The following SAXO1 variants were observed in gnomAD, a reference collection of about 807,000 sequenced individuals.
SAXO1 encodes 4930500O09Rik.
SAXO1 carries 21 observed loss-of-function variants against 17.5 expected under a neutral mutation model. That is an observed-to-expected ratio of 1.20 (90% CI 0.85 to 1.72). The LOEUF (loss-of-function observed/expected upper bound fraction) is 1.72. Ranked by LOEUF, SAXO1 falls within the 40% of genes most tolerant of loss-of-function variation. SAXO1 has a pLI of 0.00. For missense variants in SAXO1, 843 were observed against 596.0 expected (o/e 1.41, Z -4.32); for synonymous variants, 274 against 216.5 (o/e 1.27, Z -2.33).
At chr9:18,975,813 C>T (rs149527386) in intron 1 of SAXO1, among the ~76,000 whole-genome samples, 2 of 152,210 alleles carry the variant, frequency 1.3e-5, no homozygotes, top group East Asian at 3.9e-4. Flanking sequence ...AACCCAAGGC[C>T]CAGCAGAAGC....
intron 3 of SAXO1, among the ~76,000 whole-genome samples, chr9:18,940,601 G>A (rs1831510806): frequency 6.6e-6 from 1 of 152,194 alleles, no homozygotes; most frequent in Non-Finnish European, 1.5e-5. Context: ...TCTATTCACA[G>A]CATTTAGAGG....
chr9:18,972,073 T>TG (rs1312618815), intron 1 of SAXO1, among the ~76,000 whole-genome samples: 1 of 152,212 alleles, frequency 6.6e-6, no homozygotes, highest in Non-Finnish European at 1.5e-5. Context: ...TTAAACCCCT[T>TG]GGGCTTCTGG....
chr9:19,014,114 G>C (rs2130996970), intron 1 of SAXO1, among the ~76,000 whole-genome samples: 1 of 152,210 alleles, frequency 6.6e-6, no homozygotes, highest in Non-Finnish European at 1.5e-5. Context: ...GTAGGGGCTT[G>C]ATTAAGGGTA....
At chr9:19,026,843 A>G (rs1835494589) in intron 1 of SAXO1, 4 of 604,162 alleles carry the variant, frequency 6.6e-6, no homozygotes, top group Admixed American at 2.0e-5. Flanking sequence ...AGCCTGGCCA[A>G]CATGGTGAAA....
At chr9:18,991,174 C>T (rs944967578) in intron 1 of SAXO1, among the ~76,000 whole-genome samples, 2 of 152,162 alleles carry the variant, frequency 1.3e-5, no homozygotes, top group Non-Finnish European at 2.9e-5. Flanking sequence ...ATGAGAATCA[C>T]TTGAACCTGG....
rs2131851171 is a variant in SAXO1, at chr9:18,995,099, G to T, written c.38+37772C>A. Among the ~76,000 whole-genome samples the T allele has an allele frequency of 1.3e-5, 2 of 152,188 alleles. 1 individual carries two copies. The highest frequency in any genetic ancestry group is 4.2e-4 in the South Asian group (2 of 4,810). On this transcript the variant is annotated intron_variant, in intron 1 of 3. Transcript: ENST00000380534. ...TACTTATGCTTATTTAAGTAAATAA[G>T]CACCAAAAATAAATTAACTAATAAA...
chr9:18,991,912 G>C (rs1327488800), intron 1 of SAXO1, among the ~76,000 whole-genome samples: 3 of 152,206 alleles, frequency 2.0e-5, no homozygotes, highest in South Asian at 2.1e-4. Flanking sequence ...GCTTGAAGAG[G>C]CGTCTGTAAA....
intron 3 of SAXO1, among the ~76,000 whole-genome samples, chr9:18,939,631 A>G (rs1298057169): frequency 1.3e-5 from 2 of 152,194 alleles, no homozygotes; most frequent in East Asian, 3.9e-4. Flanking sequence ...GCAGAAAAGA[A>G]ATGTAGGAAG....
rs144484870 is a variant in SAXO1, at chr9:18,941,667, C to T, written c.391G>A (p.Asp131Asn). 2,171 of 1,614,070 alleles carry T rather than the reference C, an allele frequency of 1.3e-3. No individual in the cohort carries two copies. Among genetic ancestry groups the T allele is most frequent in the Non-Finnish European group, 1.7e-3 (2,024 of 1,180,042 alleles). ...TAAGTAGGCAAACACTCCATCTTGT[C>T]GCTACATGGATATTTACTGTCCCGA... is the stretch of plus-strand genomic sequence containing the variant. ...KPRDSKYPCS[D>N]KMECLPTYKA... is the part of the protein sequence containing the mutation. The change falls in exon 3 of 4, where the codon GAC becomes AAC. Residue 131 changes from aspartate to asparagine, a missense_variant. By Grantham distance (23) the Asp-to-Asn change is conservative. Coordinates refer to ENST00000380534, the MANE Select transcript of SAXO1 (RefSeq NM_153707.4).
intron 1 of SAXO1, among the ~76,000 whole-genome samples, chr9:19,011,060 T>C (rs1239280775): frequency 1.3e-5 from 2 of 152,240 alleles, no homozygotes. Context: ...TATCCTGCAT[T>C]GCTTTCTAAT....
chr9:19,001,642 G>C (rs990829872), intron 1 of SAXO1, among the ~76,000 whole-genome samples: 3 of 150,070 alleles, frequency 2.0e-5, no homozygotes, highest in Non-Finnish European at 4.4e-5. Flanking sequence ...CTCTAGCCTG[G>C]GCAACAGAGC....
At chr9:18,974,286 A>G (rs1044987455) in intron 1 of SAXO1, among the ~76,000 whole-genome samples, 1 of 152,262 alleles carries the variant, frequency 6.6e-6, no homozygotes, top group African/African-American at 2.4e-5. Flanking sequence ...AAGTATTGGT[A>G]TGAACTGATG....
At chr9:18,958,845 TATGA>T (rs1563943837) in intron 1 of SAXO1, among the ~76,000 whole-genome samples, 2 of 135,222 alleles carry the variant, frequency 1.5e-5, no homozygotes, top group Non-Finnish European at 3.3e-5. Flanking sequence ...GCCATAAAAA[TATGA>T]ATGAAGTTGC....
intron 1 of SAXO1, chr9:19,027,230 A>G: frequency 1.7e-6 from 2 of 1,149,852 alleles, no homozygotes; most frequent in Non-Finnish European, 2.6e-6. Flanking sequence ...CCTCTACACG[A>G]CAGACATACT....
chr9:18,942,178 C>T (rs1205991932), intron 2 of SAXO1, among the ~76,000 whole-genome samples: 1 of 152,194 alleles, frequency 6.6e-6, no homozygotes, highest in Non-Finnish European at 1.5e-5. Context: ...TGAGCTTCCT[C>T]CTTCATTCCT....
At chr9:18,968,955 C>T (rs766423223) in intron 1 of SAXO1, among the ~76,000 whole-genome samples, 1 of 152,020 alleles carries the variant, frequency 6.6e-6, no homozygotes. Context: ...ACATGGCTGG[C>T]TGGCATTGAT....
At chr9:18,932,367 A>G (rs1438742706) in intron 3 of SAXO1, among the ~76,000 whole-genome samples, 1 of 152,218 alleles carries the variant, frequency 6.6e-6, no homozygotes, top group Non-Finnish European at 1.5e-5. Context: ...CTGTACTCTC[A>G]ACTTAGTTGC....
Position 18,928,747 on chromosome 9 carries a change from A to T in SAXO1, c.730T>A (p.Tyr244Asn). Residue 244 changes from tyrosine to asparagine, a missense_variant, in exon 4 of 4, where the codon TAC (tyrosine) becomes AAC (asparagine). Coordinates refer to ENST00000380534, the MANE Select transcript of SAXO1 (RefSeq NM_153707.4). ...GCAGGCTCCCCCATCAGGCCCCGGT[A>T]GGATTGTTTTTGAGTGGTAAGGCTT... The part of the protein sequence containing the change: ...FESLTTQKQS[Y>N]RGLMGEPAKS... 6.2e-7 allele frequency: 1 copy of T among 1,614,076 alleles called. No individual in the cohort carries two copies. Among genetic ancestry groups the T allele is most frequent in the Non-Finnish European group, 8.5e-7 (1 of 1,180,014 alleles).
At chr9:19,000,115 C>G in intron 1 of SAXO1, among the ~76,000 whole-genome samples, 1 of 149,260 alleles carries the variant, frequency 6.7e-6, no homozygotes, top group East Asian at 2.0e-4. Context: ...AAGTGAGGAG[C>G]ACCTCTGTCC....
Sources: gnomAD v4.1 joint callset for allele counts (sites outside exome capture counted in the v4.1 genomes callset) on GRCh38, gnomAD v4.1.1 for gene constraint, MANE v1.5 for transcripts, NCBI Gene and HGNC (gene_info 2026-07-23, HGNC 2026-07-21) for gene names.